The following ZNF385D variants were observed in gnomAD, a reference collection of about 807,000 sequenced individuals.
ZNF385D encodes the protein zinc finger protein 659.
Under a neutral mutation model 35.8 loss-of-function variants are expected in ZNF385D, and 15 were observed. The ratio of observed to expected loss-of-function variants is 0.42; its 90% CI spans 0.28 to 0.64. The LOEUF (loss-of-function observed/expected upper bound fraction) is 0.64. ZNF385D is among the 30% of genes least tolerant of loss of function. The pLI, the probability that ZNF385D is intolerant of heterozygous loss-of-function variation, is 0.23. For synonymous variants in ZNF385D, 212 were observed against 186.8 expected (o/e 1.13, Z -1.10); for missense variants, 474 against 494.6 (o/e 0.96, Z 0.39).
At chr3:21,977,098 T>G (rs1284471240) in intron 3 of ZNF385D, among the ~76,000 whole-genome samples, 1 of 152,198 alleles carries the variant, frequency 6.6e-6, no homozygotes, top group Non-Finnish European at 1.5e-5. Context: ...TGTTGCATGA[T>G]GCCATTTAAA....
intron 3 of ZNF385D, among the ~76,000 whole-genome samples, chr3:22,039,980 T>C (rs757090649): frequency 1.9e-4 from 29 of 152,134 alleles, no homozygotes; most frequent in Non-Finnish European, 3.5e-4. Context: ...ACAAGGAGGA[T>C]CATGAGGCTG....
intron 3 of ZNF385D, among the ~76,000 whole-genome samples, chr3:22,111,718 G>A (rs1199158159): frequency 6.6e-6 from 1 of 152,094 alleles, no homozygotes; most frequent in Non-Finnish European, 1.5e-5. Flanking sequence ...GAAGACATCG[G>A]ATCAAACTTT....
intron 3 of ZNF385D, among the ~76,000 whole-genome samples, chr3:21,823,947 G>C (rs73042727): frequency 0.067 from 10,248 of 152,172 alleles, 475 homozygotes; most frequent in Non-Finnish European, 0.096. Context: ...TCACTTTATT[G>C]AGAAATCATT....
intron 2 of ZNF385D, among the ~76,000 whole-genome samples, chr3:21,599,299 T>C (rs1306888550): frequency 6.6e-6 from 1 of 152,216 alleles, no homozygotes; most frequent in African/African-American, 2.4e-5. Flanking sequence ...ATAGTGTTTG[T>C]TTGGCAAATA....
intron 4 of ZNF385D, among the ~76,000 whole-genome samples, chr3:21,445,253 C>A (rs1702086643): frequency 6.6e-6 from 1 of 152,084 alleles, no homozygotes. Context: ...AAGAAAGAAG[C>A]CAACAGAAAA....
chr3:21,894,720 T>C (rs963322713), intron 3 of ZNF385D, among the ~76,000 whole-genome samples: 1 of 152,210 alleles, frequency 6.6e-6, no homozygotes, highest in East Asian at 1.9e-4. Flanking sequence ...ATGACTGATA[T>C]ATTTAAGTAA....
chr3:22,289,780 C>T (rs1400165952), intron 2 of ZNF385D, among the ~76,000 whole-genome samples: 1 of 152,092 alleles, frequency 6.6e-6, no homozygotes, highest in Non-Finnish European at 1.5e-5. Context: ...TGCACCAATG[C>T]CTTCCAGGAG....
chr3:21,818,660 A>G (rs906125589), intron 3 of ZNF385D, among the ~76,000 whole-genome samples: 4 of 152,012 alleles, frequency 2.6e-5, no homozygotes, highest in African/African-American at 9.7e-5. Context: ...ATGGCCTCAC[A>G]CTCCATGGGC....
chr3:22,243,168 G>T (rs542054937), intron 2 of ZNF385D, among the ~76,000 whole-genome samples: 124 of 150,312 alleles, frequency 8.2e-4, no homozygotes, highest in Admixed American at 8.1e-3. Flanking sequence ...AATAACACTT[G>T]CAACCCAATA....
chr3:22,163,226 G>C (rs901460022), intron 3 of ZNF385D, among the ~76,000 whole-genome samples: 1 of 152,136 alleles, frequency 6.6e-6, no homozygotes, highest in Non-Finnish European at 1.5e-5. Context: ...GAGCTGGAGG[G>C]ACTTTAGAGA....
In ZNF385D at chr3:21,946,413, GA is replaced by G. The variant is rs566967566; in HGVS notation, c.325+222403del. On this transcript the variant is annotated intron_variant, in intron 3 of 5. Coordinates refer to the ZNF385D transcript ENST00000494108. Reference sequence around the variant, plus strand: ...ATTAGTTTGTAGGCATTGCAAAGTTGAAAATTAATTCATTAGATTTTAAAGA... The same window carrying G: ...ATTAGTTTGTAGGCATTGCAAAGTTGAAATTAATTCATTAGATTTTAAAGA... 2.0e-4 allele frequency among the ~76,000 whole-genome samples: 31 copies of G among 152,184 alleles called. 1 individual carries two copies. The South Asian group carries it at 6.2e-3, about 31-fold the overall frequency.
chr3:21,881,500 T>A (rs1357427412), intron 3 of ZNF385D, among the ~76,000 whole-genome samples: 2 of 151,988 alleles, frequency 1.3e-5, no homozygotes, highest in East Asian at 3.9e-4. Flanking sequence ...AGAAAAAGAT[T>A]CCTTTTAAAA....
chr3:22,313,892 T>C (rs73821882), intron 2 of ZNF385D, among the ~76,000 whole-genome samples: 9,296 of 152,178 alleles, frequency 0.061, 714 homozygotes, highest in African/African-American at 0.18. Flanking sequence ...ACCCTACCTC[T>C]TCTATTCACT....
chr3:22,029,574 GTA>G (rs1697793378), intron 3 of ZNF385D, among the ~76,000 whole-genome samples: 1 of 152,184 alleles, frequency 6.6e-6, no homozygotes, highest in Admixed American at 6.5e-5. Flanking sequence ...GTTATCATGA[GTA>G]TTTCCTTCTT....
At chr3:22,158,958 A>T (rs1419438260) in intron 3 of ZNF385D, among the ~76,000 whole-genome samples, 1 of 152,108 alleles carries the variant, frequency 6.6e-6, no homozygotes, top group Non-Finnish European at 1.5e-5. Flanking sequence ...CAAAAGTTAA[A>T]AAGCTTATAC....
intron 3 of ZNF385D, among the ~76,000 whole-genome samples, chr3:22,018,242 T>G (rs540852027): frequency 6.6e-6 from 1 of 151,672 alleles, no homozygotes; most frequent in Non-Finnish European, 1.5e-5. Context: ...GATATGTGTT[T>G]TTTTTTAAGA....
At chr3:21,427,705 G>GT (rs1486516352) in intron 5 of ZNF385D, among the ~76,000 whole-genome samples, 1 of 152,080 alleles carries the variant, frequency 6.6e-6, no homozygotes, top group Non-Finnish European at 1.5e-5. Context: ...TCTATGTCAT[G>GT]TTTTTTAGAG....
intron 1 of ZNF385D, among the ~76,000 whole-genome samples, chr3:21,702,381 C>T (rs1388193222): frequency 1.3e-5 from 2 of 152,186 alleles, no homozygotes; most frequent in African/African-American, 2.4e-5. Context: ...GCACCAAGTC[C>T]CTAGGGTGCC....
intron 1 of ZNF385D, among the ~76,000 whole-genome samples, chr3:21,695,761 A>ATG (rs1472253671): frequency 6.6e-6 from 1 of 150,886 alleles, no homozygotes; most frequent in Non-Finnish European, 1.5e-5. Flanking sequence ...TATATATTAT[A>ATG]TATATATATA....
Sources: allele counts gnomAD v4.1 joint callset (sites outside exome capture counted in the v4.1 genomes callset), GRCh38; gene constraint gnomAD v4.1.1; transcripts MANE v1.5; gene names NCBI Gene and HGNC (gene_info 2026-07-23, HGNC 2026-07-21).